RYR3: variants seen among roughly 807,000 people sequenced by gnomAD.
RYR3 encodes the protein ryanodine receptor 3, also known as brain ryanodine receptor-calcium release channel.
Under a neutral mutation model 584.3 loss-of-function variants are expected in RYR3, and 207 were observed. That is an observed-to-expected ratio of 0.35 (90% CI 0.32 to 0.40). The LOEUF is 0.40. Among genes scored for constraint, RYR3 ranks in the 10% least tolerant of loss-of-function variants. RYR3 has a pLI of 1.00. For synonymous variants in RYR3, 2,416 were observed against 2,248.5 expected, an observed-to-expected ratio of 1.07 and a Z score of -2.11; for missense variants, 5,616 against 6,089.2, an observed-to-expected ratio of 0.92 and a Z score of 2.59.
intron 87 of RYR3, among the ~76,000 whole-genome samples, chr15:33,836,160 T>TTTTGC: frequency 9.5e-4 from 1 of 1,058 alleles, no homozygotes; most frequent in African/African-American, 3.5e-3. Flanking sequence ...TTTCTTTTGC[T>TTTTGC]TTTTTTTTAT....
chr15:33,642,861 A>G (rs2061907309), intron 27 of RYR3, among the ~76,000 whole-genome samples: 1 of 152,176 alleles, frequency 6.6e-6, no homozygotes, highest in Non-Finnish European at 1.5e-5. Context: ...GGCTTTTTCT[A>G]CAAACATCAC....
intron 46 of RYR3, 68 bp from the exon 47 acceptor site, chr15:33,728,789 G>A (rs2068682937): frequency 1.4e-6 from 2 of 1,451,736 alleles, no homozygotes; most frequent in African/African-American, 1.4e-5. Context: ...AGACAGACAA[G>A]CTCTGTGTTA....
chr15:33,790,385 T>C (rs934328128), intron 67 of RYR3, among the ~76,000 whole-genome samples: 1 of 152,148 alleles, frequency 6.6e-6, no homozygotes, highest in African/African-American at 2.4e-5. Context: ...CCAGAAGTTA[T>C]CAGATTCTGG....
chr15:33,328,059 G>C (rs887647266), intron 1 of RYR3, among the ~76,000 whole-genome samples: 13 of 152,294 alleles, frequency 8.5e-5, no homozygotes, highest in African/African-American at 3.1e-4. Context: ...CCAAGACTGG[G>C]TTTTTGTTGC....
intron 18 of RYR3, among the ~76,000 whole-genome samples, chr15:33,610,069 T>C (rs118184266): frequency 4.6e-5 from 7 of 152,358 alleles, no homozygotes; most frequent in Non-Finnish European, 8.8e-5. Flanking sequence ...TTTGCCAATA[T>C]GCATTGAGTA....
At chr15:33,534,533 T>G (rs887155677) in intron 5 of RYR3, among the ~76,000 whole-genome samples, 2 of 152,222 alleles carry the variant, frequency 1.3e-5, no homozygotes, top group Non-Finnish European at 2.9e-5. Flanking sequence ...TTTTTTAGTA[T>G]AGTCAAAAAT....
Position 33,311,181 on chromosome 15 carries a change from GCGGTGCCGGGTGCC to G in RYR3, c.51+96_51+109del, listed in dbSNP as rs1280747083. The G allele has an allele frequency of 2.8e-6, 3 of 1,061,492 alleles. No homozygotes were observed. Among genetic ancestry groups the G allele is most frequent in the Non-Finnish European group, 3.8e-6 (3 of 789,796 alleles). The allele number at this position is 1,061,492 out of a possible 1,614,324, so 65.8% of individuals were successfully genotyped here. Reference sequence around the variant, plus strand: ...GAGGAGGGGCTGGCTGCGCTGCGCCGCGGTGCCGGGTGCCCGGTGCCGGGCGCTTTCTCCGCACC... The same window carrying G: ...GAGGAGGGGCTGGCTGCGCTGCGCCGCGGTGCCGGGCGCTTTCTCCGCACC... On this transcript the variant is annotated intron_variant, in intron 1 of 103. Coordinates refer to ENST00000634891, the MANE Select transcript of RYR3 (RefSeq NM_001036.6). This position sits in a 1 kb window ranked among gnomAD's most constrained non-coding sequence, Gnocchi z 4.4.
intron 20 of RYR3, 52 bp from the exon 21 acceptor site, chr15:33,628,419 T>C: frequency 2.2e-6 from 3 of 1,334,598 alleles, no homozygotes; most frequent in Non-Finnish European, 3.2e-6. Context: ...CTATAGATTT[T>C]ATGATAGGTT....
rs181957014 is a variant in RYR3, at chr15:33,612,581, A to C, written c.2165-602A>C. Among the ~76,000 whole-genome samples, 47 of 152,216 alleles carry C rather than the reference A, an allele frequency of 3.1e-4. No homozygotes were observed. In the East Asian group the frequency reaches 9.1e-3, roughly 29 times the overall value. ...CTCCATGTTGGTCAGGCTGGTCTCG[A>C]ACTCCTGACCTCAGGTGATCCACCT... On this transcript the variant is annotated intron_variant, in intron 18 of 103. Coordinates refer to ENST00000634891, the MANE Select transcript of RYR3 (RefSeq NM_001036.6).
At chr15:33,776,154 C>T (rs1017224405) in intron 64 of RYR3, among the ~76,000 whole-genome samples, 1 of 152,146 alleles carries the variant, frequency 6.6e-6, no homozygotes, top group African/African-American at 2.4e-5. Flanking sequence ...CCAGCTACAC[C>T]TGGAGTATGC....
At chr15:33,379,666 C>CTCTCTCT (rs2041019669) in intron 1 of RYR3, among the ~76,000 whole-genome samples, 1 of 129,336 alleles carries the variant, frequency 7.7e-6, no homozygotes, top group Non-Finnish European at 1.6e-5. Flanking sequence ...TGTGTGTGTC[C>CTCTCTCT]CTCTCTCTCT....
intron 3 of RYR3, among the ~76,000 whole-genome samples, chr15:33,508,321 A>G (rs2052650097): frequency 6.6e-6 from 1 of 152,166 alleles, no homozygotes. Context: ...TTTGGATGCT[A>G]AAATATCTGG....
chr15:33,810,773 GTA>G, intron 71 of RYR3, 124 bp downstream of exon 71: 1 of 1,250,332 alleles, frequency 8.0e-7, no homozygotes, highest in Non-Finnish European at 1.1e-6. Context: ...AAACCAGTGT[GTA>G]TGGAGGCAAC....
chr15:33,854,899 A>G lies in RYR3; in HGVS notation c.13994A>G (p.His4665Arg). Residue 4665 changes from histidine to arginine, a missense_variant, in exon 98 of 104, where the codon CAC (histidine) becomes CGC (arginine). His to Arg is a conservative substitution (Grantham distance 29). Coordinates refer to ENST00000634891, the MANE Select transcript of RYR3 (RefSeq NM_001036.6). ...TLRTILSSVT[H>R]NGKQLVLTVG... ...AGGACCATTCTGTCATCTGTAACTC[A>G]CAATGGCAAACAGGTATGGTTTCTA... The G allele has an allele frequency of 6.2e-7, 1 of 1,610,648 alleles. No homozygotes were observed. Among genetic ancestry groups the G allele is most frequent in the Non-Finnish European group, 8.5e-7 (1 of 1,178,692 alleles).
At chr15:33,554,007 C>A (rs146357433) in intron 10 of RYR3, among the ~76,000 whole-genome samples, 1 of 152,176 alleles carries the variant, frequency 6.6e-6, no homozygotes, top group South Asian at 2.1e-4. Flanking sequence ...TGTGCCTGAA[C>A]GCCTTTTGCC....
intron 1 of RYR3, among the ~76,000 whole-genome samples, chr15:33,440,185 G>C (rs2046099772): frequency 6.6e-6 from 1 of 152,140 alleles, no homozygotes; most frequent in South Asian, 2.1e-4. Flanking sequence ...TACTTGAGAG[G>C]CTGAGGTGGG....
rs907430260 is a variant in RYR3 at position 33,757,661 on chromosome 15, T to G, written c.8705+65T>G. 13 of 1,549,852 alleles carry G rather than the reference T, an allele frequency of 8.4e-6. No homozygotes were observed. In the African/African-American group the frequency reaches 1.6e-4, roughly 20 times the overall value. ...CAATTTACTTAAAATGCCAGGTCCC[T>G]GTGGACTAAAAGGCGAGTCTTTTGG... On this transcript the variant is annotated intron_variant, in intron 60 of 103. Transcript: ENST00000634891.
intron 68 of RYR3, among the ~76,000 whole-genome samples, chr15:33,801,617 CTA>C (rs75186121): frequency 0.39 from 59,188 of 151,854 alleles, 11,726 homozygotes; most frequent in South Asian, 0.48. Context: ...TACCAAGAGT[CTA>C]TTTTGTCTTA....
chr15:33,467,380 C>A, intron 1 of RYR3: 1 of 490,946 alleles, frequency 2.0e-6, no homozygotes, highest in Non-Finnish European at 2.6e-6. Flanking sequence ...CCAGAGAGTT[C>A]CTCACAGGTG....
Sources: allele counts gnomAD v4.1 joint callset (sites outside exome capture counted in the v4.1 genomes callset), GRCh38; gene constraint gnomAD v4.1.1; non-coding constraint Gnocchi (gnomAD v3.1); transcripts MANE v1.5; gene names NCBI Gene and HGNC (gene_info 2026-07-23, HGNC 2026-07-21).